IMMP2L: variants seen among roughly 807,000 people sequenced by gnomAD.
IMMP2L encodes the protein inner mitochondrial membrane peptidase subunit 2.
In IMMP2L, 18 loss-of-function variants were observed where a neutral mutation model predicts 19.3. The ratio of observed to expected loss-of-function variants is 0.93; its 90% CI spans 0.64 to 1.38. The LOEUF is 1.38. Ranked by LOEUF, IMMP2L falls within the 40% of genes most tolerant of loss-of-function variation. The pLI is 0.00. For missense variants in IMMP2L, 233 were observed against 218.2 expected (o/e 1.07, Z -0.43); for synonymous variants, 76 against 73.0 (o/e 1.04, Z -0.21).
chr7:111,438,130 C>T (rs756532844), intron 3 of IMMP2L, among the ~76,000 whole-genome samples: 3 of 151,756 alleles, frequency 2.0e-5, no homozygotes, highest in African/African-American at 4.9e-5. Context: ...ACCAACTCAA[C>T]GGAGTTACCT....
chr7:111,207,534 GTTTTTTTT>G (rs376864629), intron 3 of IMMP2L, among the ~76,000 whole-genome samples: 1 of 90,100 alleles, frequency 1.1e-5, no homozygotes, highest in African/African-American at 4.4e-5. Context: ...TTTATTTTTG[GTTTTTTTT>G]TTTTTTTTTT....
At chr7:111,319,166 T>C (rs1489445991) in intron 3 of IMMP2L, among the ~76,000 whole-genome samples, 2 of 152,132 alleles carry the variant, frequency 1.3e-5, no homozygotes, top group African/African-American at 2.4e-5. Flanking sequence ...GAATCATTTG[T>C]AATCTTGTCA....
At chr7:110,703,045 C>T (rs1794394737) in intron 5 of IMMP2L, among the ~76,000 whole-genome samples, 1 of 152,140 alleles carries the variant, frequency 6.6e-6, no homozygotes, top group African/African-American at 2.4e-5. Flanking sequence ...TTTATGAAAG[C>T]ATCATGATTA....
chr7:110,669,079 GTGTGTGTGTGTATA>G (rs1716192189), intron 5 of IMMP2L, among the ~76,000 whole-genome samples: 3 of 84,802 alleles, frequency 3.5e-5, no homozygotes, highest in African/African-American at 1.3e-4. Context: ...GTGTGTGTGT[GTGTGTGTGTGTATA>G]TGTATATATA....
chr7:111,105,538 G>A (rs914112937), intron 3 of IMMP2L, among the ~76,000 whole-genome samples: 11 of 151,840 alleles, frequency 7.2e-5, no homozygotes, highest in Admixed American at 2.6e-4. Flanking sequence ...ACAAAAATGG[G>A]TTGCTGTAGC....
chr7:111,489,032 T>A (rs1205538857), intron 2 of IMMP2L, among the ~76,000 whole-genome samples: 18 of 145,758 alleles, frequency 1.2e-4, no homozygotes, highest in South Asian at 2.1e-4. Flanking sequence ...ATGTCCTCAA[T>A]CCACTTTTTT....
At chr7:110,909,932 G>A (rs1428064637) in intron 4 of IMMP2L, among the ~76,000 whole-genome samples, 2 of 151,730 alleles carry the variant, frequency 1.3e-5, no homozygotes, top group Non-Finnish European at 2.9e-5. Flanking sequence ...TAGACAGAGA[G>A]AGAGAGAGAG....
intron 4 of IMMP2L, among the ~76,000 whole-genome samples, chr7:110,928,169 A>G (rs79425290): frequency 0.016 from 2,478 of 152,098 alleles, 66 homozygotes; most frequent in African/African-American, 0.056. Flanking sequence ...AAACAGATAA[A>G]TCACTATGGA....
At chr7:111,264,699 C>G (rs999688754) in intron 3 of IMMP2L, among the ~76,000 whole-genome samples, 1 of 151,164 alleles carries the variant, frequency 6.6e-6, no homozygotes, top group Non-Finnish European at 1.5e-5. Flanking sequence ...AACTGGGAGG[C>G]TGCCCCACTA....
rs140013805 is a variant in IMMP2L, at chr7:111,399,242, C to T, written c.239+87996G>A. On this transcript the variant is annotated intron_variant, in intron 3 of 5. Coordinates refer to ENST00000405709, the MANE Select transcript of IMMP2L (RefSeq NM_032549.4). ...CCTGATTTCAAACTATACTGTAAGG[C>T]CATAGTCATCAAAACAGCGTGGTAC... Among the ~76,000 whole-genome samples, 7 of 152,206 alleles carry T rather than the reference C, an allele frequency of 4.6e-5. No homozygotes were observed. In the East Asian group the frequency reaches 1.2e-3, roughly 25 times the overall value.
intron 4 of IMMP2L, among the ~76,000 whole-genome samples, chr7:110,897,736 A>T (rs904572142): frequency 6.6e-6 from 1 of 152,198 alleles, no homozygotes; most frequent in Non-Finnish European, 1.5e-5. Context: ...CATACCATGG[A>T]ATGCTATATA....
At chr7:110,719,830 T>C (rs575756255) in intron 5 of IMMP2L, among the ~76,000 whole-genome samples, 33 of 152,336 alleles carry the variant, frequency 2.2e-4, no homozygotes, top group Admixed American at 3.9e-4. Flanking sequence ...GGTTCTGAAT[T>C]ATAGCACTCT....
At chr7:111,390,029 G>C (rs1563134241) in intron 3 of IMMP2L, among the ~76,000 whole-genome samples, 1 of 152,142 alleles carries the variant, frequency 6.6e-6, no homozygotes, top group Admixed American at 6.6e-5. Flanking sequence ...TTCCCTGATA[G>C]TCACAAAATA....
intron 3 of IMMP2L, among the ~76,000 whole-genome samples, chr7:111,190,894 G>A (rs568601076): frequency 6.6e-6 from 1 of 152,232 alleles, no homozygotes; most frequent in Non-Finnish European, 1.5e-5. Flanking sequence ...AGGAGAGCTG[G>A]TGCCACAAAT....
intron 3 of IMMP2L, among the ~76,000 whole-genome samples, chr7:111,393,835 A>T (rs1414890059): frequency 6.6e-6 from 1 of 152,080 alleles, no homozygotes; most frequent in East Asian, 1.9e-4. Context: ...CCTTCTTTTG[A>T]TTCTCTGCTC....
chr7:111,157,768 A>G (rs1408185912), intron 3 of IMMP2L, among the ~76,000 whole-genome samples: 1 of 152,112 alleles, frequency 6.6e-6, no homozygotes, highest in African/African-American at 2.4e-5. Flanking sequence ...TGCTTGAGGT[A>G]ATCGATATCC....
intron 5 of IMMP2L, among the ~76,000 whole-genome samples, chr7:110,812,123 T>C (rs757344939): frequency 1.3e-5 from 2 of 152,092 alleles, no homozygotes; most frequent in Non-Finnish European, 2.9e-5. Flanking sequence ...AATGTACCTA[T>C]GTAGTTTCTA....
rs7806849 is a variant in IMMP2L at position 110,857,762 on chromosome 7, C to T, written c.408+28831G>A. Among the ~76,000 whole-genome samples the T allele has an allele frequency of 8.8e-3, 1,338 of 152,130 alleles. 8 individuals are homozygous for T. The highest frequency in any genetic ancestry group is 0.014 in the Admixed American group (212 of 15,250). ...TTAACCTCTGTGGATATTCATACAA[C>T]TTCATTATTTGAAGCATCTGCTTGA... On this transcript the variant is annotated intron_variant, in intron 5 of 5. Transcript: ENST00000405709.
chr7:110,699,970 A>G (rs1405627290), intron 5 of IMMP2L, among the ~76,000 whole-genome samples: 1 of 152,134 alleles, frequency 6.6e-6, no homozygotes, highest in Non-Finnish European at 1.5e-5. Flanking sequence ...CCTCTCTTAT[A>G]CAGTCCATAG....
Sources: gnomAD v4.1 joint callset for allele counts (sites outside exome capture counted in the v4.1 genomes callset) on GRCh38, gnomAD v4.1.1 for gene constraint, MANE v1.5 for transcripts, NCBI Gene and HGNC (gene_info 2026-07-23, HGNC 2026-07-21) for gene names.